SAMD7: variants seen among roughly 807,000 people sequenced by gnomAD.
SAMD7 encodes the protein sterile alpha motif domain containing 7.
A neutral mutation model predicts 36.7 loss-of-function variants in SAMD7; 34 were observed. The ratio of observed to expected loss-of-function variants is 0.93; its 90% CI spans 0.71 to 1.23. The LOEUF (loss-of-function observed/expected upper bound fraction) is 1.23, where lower values mean the gene tolerates loss of function less well. Ranked by LOEUF, SAMD7 falls within the 50% of genes most tolerant of loss-of-function variation. The pLI is 0.00. For missense variants in SAMD7, 570 were observed against 546.6 expected (o/e 1.04, Z -0.43); for synonymous variants, 188 against 189.7 (o/e 0.99, Z 0.07).
Position 169,938,486 on chromosome 3 carries a change from C to G in SAMD7, c.1321C>G (p.Arg441Gly). 6.2e-7 allele frequency: 1 copy of G among 1,609,416 alleles called. No individual in the cohort carries two copies. Among genetic ancestry groups the G allele is most frequent in the Non-Finnish European group, 8.5e-7 (1 of 1,176,734 alleles). Residue 441 changes from arginine (R) to glycine (G), a missense_variant, in exon 9 of 9, where the codon CGA becomes GGA. By Grantham distance (125) the Arg-to-Gly change is moderately radical (BLOSUM62 -2). Coordinates refer to ENST00000335556, the MANE Select transcript of SAMD7 (RefSeq NM_001304366.2). The stretch of plus-strand genomic sequence containing the variant: ...TACAATAATTCCTAAAGGAATTGAG[C>G]GAGGTAGTATGAGAAACTAAAAGCC... ...QDTIIPKGIERGSMRN is the reference protein window; with the variant it reads ...QDTIIPKGIEGGSMRN
chr3:169,925,226 AAT>A, intron 5 of SAMD7, 90 bp downstream of exon 5: 2 of 766,296 alleles, frequency 2.6e-6, no homozygotes, highest in Non-Finnish European at 4.3e-6. Context: ...TGAATAGATG[AAT>A]ATATATAACA....
chr3:169,922,962 G>T (rs1713110552), intron 4 of SAMD7, among the ~76,000 whole-genome samples: 1 of 152,236 alleles, frequency 6.6e-6, no homozygotes, highest in Admixed American at 6.5e-5. Flanking sequence ...CAGAGATTTT[G>T]ATGTGAGCAA....
intron 2 of SAMD7, among the ~76,000 whole-genome samples, chr3:169,915,862 G>A (rs1367887434): frequency 6.6e-6 from 1 of 152,028 alleles, no homozygotes; most frequent in Non-Finnish European, 1.5e-5. Flanking sequence ...ACAGGCGTGA[G>A]CCACCACACC....
intron 7 of SAMD7, chr3:169,932,109 A>G: frequency 1.9e-6 from 1 of 529,780 alleles, no homozygotes. Flanking sequence ...GCGTTTCACT[A>G]CTTGATCCCC....
Position 169,921,262 on chromosome 3 carries a change from C to A in SAMD7, c.135C>A (p.Cys45Ter). The change falls in exon 4 of 9, where the codon TGC becomes TGA. Residue 45 changes from cysteine to a stop codon, truncating the protein, a stop_gained. Coordinates refer to ENST00000335556, the MANE Select transcript of SAMD7 (RefSeq NM_001304366.2). LOFTEE classifies it high-confidence loss of function. The part of the protein sequence containing the change: ...TVAPTDPRQF[C>*]VPSQFGSSVL... ...CTCCAACTGACCCAAGACAGTTTTG[C>A]GTTCCTTCCCAATTTGGATCCTCTG... The A allele has an allele frequency of 6.2e-7, 1 of 1,613,728 alleles. No homozygotes were observed. Among genetic ancestry groups the A allele is most frequent in the Non-Finnish European group, 8.5e-7 (1 of 1,179,658 alleles).
chr3:169,926,455 A>C, intron 5 of SAMD7, 98 bp from the exon 6 acceptor site: 6 of 1,307,460 alleles, frequency 4.6e-6, no homozygotes, highest in Non-Finnish European at 6.2e-6. Context: ...ACTTCAGATA[A>C]ACAGTGTGAG....
In SAMD7 at chr3:169,925,154, T is replaced by C. The variant is rs778896550; in HGVS notation, c.290+18T>C. On this transcript the variant is annotated intron_variant, in intron 5 of 8. Transcript: ENST00000335556. Reference sequence around the variant, plus strand: ...ACTGCCAGGTAATTTGGCAATGTTGTTTTATTTATTCTCTATTCATTCACT... The same window carrying C: ...ACTGCCAGGTAATTTGGCAATGTTGCTTTATTTATTCTCTATTCATTCACT... 6 of 1,546,732 alleles carry C rather than the reference T, an allele frequency of 3.9e-6. No individual in the cohort carries two copies. The Admixed American group carries it at 5.3e-5, about 14-fold the overall frequency.
chr3:169,932,762 G>T, intron 7 of SAMD7: 1 of 535,268 alleles, frequency 1.9e-6, no homozygotes, highest in South Asian at 1.6e-5. Context: ...GTGGGAGTAT[G>T]ATGAGCGCTA....
chr3:169,919,687 T>C (rs1379710251), intron 3 of SAMD7, 103 bp downstream of exon 3: 12 of 947,188 alleles, frequency 1.3e-5, no homozygotes, highest in Admixed American at 1.1e-4. Context: ...CTAATATTAT[T>C]TCAGTGAACT....
intron 2 of SAMD7, among the ~76,000 whole-genome samples, chr3:169,918,930 T>G (rs1355046718): frequency 6.6e-6 from 1 of 152,158 alleles, no homozygotes; most frequent in Non-Finnish European, 1.5e-5. Flanking sequence ...GTGGATCACC[T>G]GCAGTCAGGA....
Position 169,938,091 on chromosome 3 carries a change from C to T in SAMD7, c.1153-227C>T, listed in dbSNP as rs115364173. On this transcript the variant is annotated intron_variant, in intron 8 of 8. Transcript: ENST00000335556. ...CCTCAGTAATTCCACTATTGCTCAG[C>T]TGCCCCTGGTTAGAGCCACCTTGAT... Among the ~76,000 whole-genome samples the T allele has an allele frequency of 6.0e-3, 918 of 152,290 alleles. 8 individuals carry two copies. The highest frequency in any genetic ancestry group is 0.021 in the African/African-American group (868 of 41,564).
chr3:169,934,185 C>A (rs536909039), intron 7 of SAMD7, among the ~76,000 whole-genome samples: 1 of 152,048 alleles, frequency 6.6e-6, no homozygotes, highest in Non-Finnish European at 1.5e-5. Flanking sequence ...AAGTAGGGAG[C>A]GGCATGGTTA....
At chr3:169,920,681 T>A (rs1336004558) in intron 3 of SAMD7, among the ~76,000 whole-genome samples, 2 of 152,198 alleles carry the variant, frequency 1.3e-5, no homozygotes, top group East Asian at 3.8e-4. Flanking sequence ...GTTTTTTTGT[T>A]TTTTGTTGTT....
chr3:169,913,452 C>T (rs17584100), intron 1 of SAMD7, among the ~76,000 whole-genome samples: 3,748 of 152,256 alleles, frequency 0.025, 135 homozygotes, highest in Non-Finnish European at 0.025. Context: ...CTTACTACTA[C>T]TGCCCTAATC....
chr3:169,921,781 T>C (rs1005733277), intron 4 of SAMD7, among the ~76,000 whole-genome samples: 10 of 152,186 alleles, frequency 6.6e-5, no homozygotes, highest in African/African-American at 1.4e-4. Flanking sequence ...CCAGAATAAT[T>C]CTGGCTTCTG....
At chr3:169,935,417 G>A (rs535448825) in intron 7 of SAMD7, among the ~76,000 whole-genome samples, 7 of 152,176 alleles carry the variant, frequency 4.6e-5, no homozygotes, top group Admixed American at 6.5e-5. Context: ...CCATTGTATC[G>A]TGACAGTGGG....
intron 7 of SAMD7, among the ~76,000 whole-genome samples, chr3:169,931,141 T>G (rs1453548125): frequency 1.3e-5 from 2 of 152,206 alleles, no homozygotes; most frequent in African/African-American, 4.8e-5. Flanking sequence ...TAAGGAACAT[T>G]CAGGAGAGCC....
intron 7 of SAMD7, among the ~76,000 whole-genome samples, chr3:169,931,113 G>T (rs1227913368): frequency 1.3e-5 from 2 of 152,184 alleles, no homozygotes; most frequent in Non-Finnish European, 2.9e-5. Context: ...GTAGAGAAAG[G>T]ATTGGTGGCT....
At position 169,919,563 on chromosome 3, in the gene SAMD7, T is replaced by G; in HGVS notation, c.65T>G (p.Phe22Cys). 6.2e-7 allele frequency: 1 copy of G among 1,613,862 alleles called. No homozygotes were observed. The highest frequency in any genetic ancestry group is 1.3e-5 in the African/African-American group (1 of 75,036). ...ACAATCCCACTGATCCCCTCACCAT[T>G]TGGGCCTCCAACTGTGGACAGGTAT... Reference protein sequence around the residue: ...QQTIPLIPSPFGPPTVDRDVL... With the variant: ...QQTIPLIPSPCGPPTVDRDVL... Residue 22 changes from phenylalanine to cysteine, a missense_variant, in exon 3 of 9, where the codon TTT becomes TGT. Coordinates refer to ENST00000335556, the MANE Select transcript of SAMD7 (RefSeq NM_001304366.2).
Sources: gnomAD v4.1 joint callset for allele counts (sites outside exome capture counted in the v4.1 genomes callset) on GRCh38, gnomAD v4.1.1 for gene constraint, MANE v1.5 for transcripts, NCBI Gene and HGNC (gene_info 2026-07-23, HGNC 2026-07-21) for gene names.